Variants in PDCD10 observed in about 807,000 individuals in gnomAD.
PDCD10 encodes programmed cell death protein 10.
Under a neutral mutation model 29.2 loss-of-function variants are expected in PDCD10, and 4 were observed. The ratio of observed to expected loss-of-function variants is 0.14; its 90% CI spans 0.07 to 0.31. The LOEUF is 0.31. PDCD10 is among the 10% of genes least tolerant of loss of function. The probability of loss-of-function intolerance (pLI) is 1.00; values close to 1 mark genes in which losing one functional copy is unlikely to be tolerated. For missense variants in PDCD10, 183 were observed against 257.9 expected (o/e 0.71, Z 1.99); for synonymous variants, 70 against 82.2 (o/e 0.85, Z 0.80).
At chr3:167,697,314 T>C (rs1209244621) in intron 4 of PDCD10, among the ~76,000 whole-genome samples, 188 bp from the exon 5 acceptor site, 4 of 152,212 alleles carry the variant, frequency 2.6e-5, no homozygotes, top group African/African-American at 9.6e-5. Context: ...CCCGACTCTT[T>C]ACTATGACTA....
At position 167,720,094 on chromosome 3, in the gene PDCD10, G is replaced by T. The variant is rs1559973053; in HGVS notation, c.64C>A (p.Leu22Ile). ...AACACAGGATACATGACTGCATAGA[G>T]GGGCATAGAAACCATGGATGTGGTC... is the stretch of plus-strand genomic sequence containing the variant. ...AETTSMVSMP[L>I]YAVMYPVFNE... is the part of the protein sequence containing the mutation. The change falls in exon 3 of 9, where the codon CTC becomes ATC. Residue 22 changes from leucine to isoleucine, a missense_variant. Leu to Ile is a conservative substitution (Grantham distance 5). Coordinates refer to ENST00000392750, the MANE Select transcript of PDCD10 (RefSeq NM_007217.4). The T allele has an allele frequency of 6.2e-7, 1 of 1,611,658 alleles. No homozygotes were observed. Among genetic ancestry groups the T allele is most frequent in the East Asian group, 2.2e-5 (1 of 44,814 alleles).
chr3:167,701,633 T>C (rs1386024145), intron 4 of PDCD10, among the ~76,000 whole-genome samples: 1 of 152,184 alleles, frequency 6.6e-6, no homozygotes, highest in Non-Finnish European at 1.5e-5. Flanking sequence ...AATCAGCCTC[T>C]ACATCAGGGG....
At chr3:167,726,236 A>G (rs1724162674) in intron 2 of PDCD10, among the ~76,000 whole-genome samples, 1 of 143,696 alleles carries the variant, frequency 7.0e-6, no homozygotes, top group Non-Finnish European at 1.5e-5. Context: ...GAGTACTGGG[A>G]TTATAGGCAC....
intron 4 of PDCD10, among the ~76,000 whole-genome samples, chr3:167,703,204 T>C (rs1378460229): frequency 6.6e-6 from 1 of 152,026 alleles, no homozygotes; most frequent in East Asian, 1.9e-4. Flanking sequence ...ATGCTTAAGA[T>C]AGCATCATGT....
intron 4 of PDCD10, among the ~76,000 whole-genome samples, chr3:167,701,017 G>A (rs1343947873): frequency 1.3e-5 from 2 of 152,126 alleles, no homozygotes; most frequent in Non-Finnish European, 2.9e-5. Context: ...TGCAAATGAA[G>A]TCTGGTTTAT....
At chr3:167,712,758 G>A (rs983106868) in intron 3 of PDCD10, among the ~76,000 whole-genome samples, 3 of 151,886 alleles carry the variant, frequency 2.0e-5, no homozygotes, top group South Asian at 2.1e-4. Flanking sequence ...ATAAAGAGAC[G>A]AAAAAAGATA....
chr3:167,731,233 C>T (rs899238943), intron 2 of PDCD10, among the ~76,000 whole-genome samples: 1 of 151,976 alleles, frequency 6.6e-6, no homozygotes, highest in Non-Finnish European at 1.5e-5. Flanking sequence ...AAGAAGAGTC[C>T]ATTAGAAGTT....
At chr3:167,718,249 G>T (rs771290093) in intron 3 of PDCD10, among the ~76,000 whole-genome samples, 1 of 152,072 alleles carries the variant, frequency 6.6e-6, no homozygotes, top group Non-Finnish European at 1.5e-5. Flanking sequence ...AGATTCTTAA[G>T]AACATGCATG....
In PDCD10 at chr3:167,683,844, T is replaced by C. The variant is rs942405680; in HGVS notation, c.*464A>G. On this transcript the variant is annotated 3_prime_UTR_variant, in exon 9 of 9. Transcript: ENST00000392750. Reference sequence around the variant, plus strand: ...AAGTTGTCTTGGTCTTCTGTTCATATATATATATATATATATATATATACA... The same window carrying C: ...AAGTTGTCTTGGTCTTCTGTTCATACATATATATATATATATATATATACA... 1 of 144,848 alleles carries C rather than the reference T, an allele frequency of 6.9e-6. No individual in the cohort carries two copies. Among genetic ancestry groups the C allele is most frequent in the African/African-American group, 2.5e-5 (1 of 39,796 alleles). 9.0% of individuals were successfully genotyped at this position (144,848 alleles called of 1,614,324 possible). A position where few individuals can be genotyped will look rare whatever the true frequency, so the allele number is the denominator to read the frequency against.
At chr3:167,731,319 T>C (rs1359120406) in intron 2 of PDCD10, among the ~76,000 whole-genome samples, 1 of 152,218 alleles carries the variant, frequency 6.6e-6, no homozygotes, top group African/African-American at 2.4e-5. Context: ...TAAAATGCTG[T>C]GTTACACAGC....
chr3:167,700,729 C>A (rs141629101), intron 4 of PDCD10, among the ~76,000 whole-genome samples: 49 of 152,058 alleles, frequency 3.2e-4, no homozygotes, highest in African/African-American at 1.2e-3. Context: ...TTAATGCCAG[C>A]CAAGGATAGT....
chr3:167,725,770 TA>T (rs1724078395), intron 2 of PDCD10, among the ~76,000 whole-genome samples: 3 of 17,374 alleles, frequency 1.7e-4, no homozygotes, highest in Non-Finnish European at 3.4e-4. Context: ...CGTTTATATA[TA>T]TATATATATA....
intron 4 of PDCD10, among the ~76,000 whole-genome samples, chr3:167,701,270 T>C (rs1721396626): frequency 1.3e-5 from 2 of 152,180 alleles, no homozygotes; most frequent in African/African-American, 4.8e-5. Context: ...TATCTCTATA[T>C]AGCTAGATCT....
chr3:167,707,603 G>T (rs1357592394), intron 3 of PDCD10, among the ~76,000 whole-genome samples: 1 of 151,464 alleles, frequency 6.6e-6, no homozygotes, highest in Non-Finnish European at 1.5e-5. Flanking sequence ...GTGTGAACCT[G>T]GGAGGCAGAG....
At chr3:167,694,158 TA>T (rs35275827) in intron 6 of PDCD10, among the ~76,000 whole-genome samples, 8 of 147,446 alleles carry the variant, frequency 5.4e-5, no homozygotes, top group Non-Finnish European at 7.5e-5. Flanking sequence ...TTCACCTCTT[TA>T]AAAAAAAAAG....
At chr3:167,699,275 G>A (rs1721125618) in intron 4 of PDCD10, among the ~76,000 whole-genome samples, 1 of 152,198 alleles carries the variant, frequency 6.6e-6, no homozygotes, top group African/African-American at 2.4e-5. Context: ...ACCAATGAAA[G>A]CAGTGAAGGA....
chr3:167,707,434 T>G (rs1722088133), intron 3 of PDCD10, among the ~76,000 whole-genome samples: 1 of 152,120 alleles, frequency 6.6e-6, no homozygotes, highest in Non-Finnish European at 1.5e-5. Context: ...ATCCCAGCAC[T>G]CTGGGAGGCC....
At chr3:167,699,556 A>T (rs1013769935) in intron 4 of PDCD10, among the ~76,000 whole-genome samples, 1 of 152,184 alleles carries the variant, frequency 6.6e-6, no homozygotes, top group Non-Finnish European at 1.5e-5. Flanking sequence ...TATGGTCTTA[A>T]ATCAGGGAGA....
At chr3:167,711,255 G>A (rs565001061) in intron 3 of PDCD10, among the ~76,000 whole-genome samples, 2 of 152,196 alleles carry the variant, frequency 1.3e-5, no homozygotes, top group South Asian at 2.1e-4. Flanking sequence ...ACTGTGTTGA[G>A]GAAACACAAT....
Sources: gnomAD v4.1 joint callset for allele counts (sites outside exome capture counted in the v4.1 genomes callset) on GRCh38, gnomAD v4.1.1 for gene constraint, MANE v1.5 for transcripts, NCBI Gene and HGNC (gene_info 2026-07-23, HGNC 2026-07-21) for gene names.